Variants in CNTNAP5 observed in about 807,000 individuals in gnomAD.
CNTNAP5 encodes the protein contactin associated protein family member 5.
Under a neutral mutation model 150.2 loss-of-function variants are expected in CNTNAP5, and 72 were observed. That is an observed-to-expected ratio of 0.48 (90% CI 0.40 to 0.58). The LOEUF is 0.58. Among genes scored for constraint, CNTNAP5 ranks in the 20% least tolerant of loss-of-function variants. CNTNAP5 has a pLI of 0.00. For missense variants in CNTNAP5, 1,636 were observed against 1,626.2 expected (o/e 1.01, Z -0.10); for synonymous variants, 672 against 619.8 (o/e 1.08, Z -1.25).
intron 1 of CNTNAP5, among the ~76,000 whole-genome samples, chr2:124,205,481 C>T (rs560341523): frequency 2.0e-5 from 3 of 150,712 alleles, no homozygotes; most frequent in African/African-American, 7.3e-5. Flanking sequence ...TGCAATGGTG[C>T]CGTCTCAGCT....
At position 124,092,054 on chromosome 2, in the gene CNTNAP5, T is replaced by C. The variant is rs531334520; in HGVS notation, c.82+66322T>C. Among the ~76,000 whole-genome samples, 15 of 152,328 alleles carry C rather than the reference T, an allele frequency of 9.8e-5. No individual in the cohort carries two copies. The South Asian group carries it at 3.1e-3, about 32-fold the overall frequency. On this transcript the variant is annotated intron_variant, in intron 1 of 23. Transcript: ENST00000682447. ...TCTCCACACCACTTCTGGTGGCCCC[T>C]ATCTTTTTATCGTATTATCCTTTCT... is the stretch of plus-strand genomic sequence containing the variant.
intron 7 of CNTNAP5, among the ~76,000 whole-genome samples, chr2:124,499,670 A>G (rs1182484517): frequency 6.6e-6 from 1 of 152,196 alleles, no homozygotes; most frequent in African/African-American, 2.4e-5. Flanking sequence ...TCAGAGAAGA[A>G]TGGGAACCAC....
chr2:124,533,718 C>T (rs368597942), intron 10 of CNTNAP5, among the ~76,000 whole-genome samples: 69 of 152,280 alleles, frequency 4.5e-4, no homozygotes, highest in Middle Eastern at 6.8e-3. Context: ...CCTGATCTTC[C>T]TCTCTCAGCT....
intron 1 of CNTNAP5, among the ~76,000 whole-genome samples, chr2:124,078,831 G>A (rs759260794): frequency 8.5e-5 from 13 of 152,116 alleles, no homozygotes; most frequent in Non-Finnish European, 1.3e-4. Context: ...AGGAGGAAAC[G>A]TCAATATATG....
At chr2:124,629,087 T>G (rs1168552729) in intron 12 of CNTNAP5, among the ~76,000 whole-genome samples, 1 of 152,170 alleles carries the variant, frequency 6.6e-6, no homozygotes, top group Non-Finnish European at 1.5e-5. Flanking sequence ...ACAAAGAGAC[T>G]CAGACCCCCA....
intron 21 of CNTNAP5, among the ~76,000 whole-genome samples, chr2:124,879,666 A>T (rs1191404653): frequency 6.6e-6 from 1 of 152,128 alleles, no homozygotes; most frequent in East Asian, 1.9e-4. Context: ...AAGATATGAG[A>T]TAATGCCTGT....
At chr2:124,400,748 T>C (rs888497572) in intron 3 of CNTNAP5, among the ~76,000 whole-genome samples, 2 of 151,598 alleles carry the variant, frequency 1.3e-5, no homozygotes, top group African/African-American at 2.4e-5. Flanking sequence ...ATTTCAGTCT[T>C]TTCCAGGCAT....
At chr2:124,539,438 C>T (rs1573445847) in intron 10 of CNTNAP5, among the ~76,000 whole-genome samples, 1 of 152,180 alleles carries the variant, frequency 6.6e-6, no homozygotes, top group East Asian at 1.9e-4. Flanking sequence ...AATCGATATT[C>T]ACATAAATTT....
chr2:124,105,504 C>T (rs76898166), intron 1 of CNTNAP5, among the ~76,000 whole-genome samples: 14,130 of 152,198 alleles, frequency 0.093, 782 homozygotes, highest in Non-Finnish European at 0.13. Context: ...GTAAATACTG[C>T]TTATTAATTT....
chr2:124,566,765 T>C (rs953374357), intron 11 of CNTNAP5, among the ~76,000 whole-genome samples: 1 of 152,212 alleles, frequency 6.6e-6, no homozygotes, highest in Non-Finnish European at 1.5e-5. Context: ...ATGAGGACCA[T>C]TGTTTTTAGT....
intron 13 of CNTNAP5, among the ~76,000 whole-genome samples, chr2:124,724,924 T>C (rs1680124609): frequency 2.5e-5 from 1 of 39,910 alleles, no homozygotes; most frequent in Admixed American, 2.5e-4. Context: ...TTCCCTTAGC[T>C]TTTTTTTTTT....
At chr2:124,789,626 C>T (rs867786756) in intron 17 of CNTNAP5, among the ~76,000 whole-genome samples, 30 of 152,244 alleles carry the variant, frequency 2.0e-4, no homozygotes, top group African/African-American at 6.3e-4. Context: ...TCATCATTTA[C>T]CTCCCACTTA....
chr2:124,372,146 C>A (rs1182314479), intron 3 of CNTNAP5, among the ~76,000 whole-genome samples: 2 of 151,974 alleles, frequency 1.3e-5, no homozygotes, highest in Non-Finnish European at 2.9e-5. Flanking sequence ...TATCTTCCTT[C>A]CCCAGTGAGA....
chr2:124,292,138 GA>G (rs1364890101), intron 3 of CNTNAP5, among the ~76,000 whole-genome samples: 1 of 151,980 alleles, frequency 6.6e-6, no homozygotes, highest in South Asian at 2.1e-4. Context: ...AGAACAACTT[GA>G]AAAATTACAT....
intron 18 of CNTNAP5, among the ~76,000 whole-genome samples, chr2:124,790,445 TTAA>T (rs567992490): frequency 1.1e-3 from 174 of 152,286 alleles, no homozygotes; most frequent in African/African-American, 4.0e-3. Context: ...AGTGAACACA[TTAA>T]TATTTCCACT....
chr2:124,764,684 A>G (rs1288713311), intron 16 of CNTNAP5, among the ~76,000 whole-genome samples: 1 of 152,152 alleles, frequency 6.6e-6, no homozygotes, highest in East Asian at 1.9e-4. Flanking sequence ...TTAGCACTGC[A>G]TATCCTACAT....
chr2:124,828,624 T>A (rs1283261049), intron 19 of CNTNAP5, among the ~76,000 whole-genome samples: 1 of 151,520 alleles, frequency 6.6e-6, no homozygotes, highest in Non-Finnish European at 1.5e-5. Flanking sequence ...TGTGTTTGAA[T>A]AGTTGGATTA....
At position 124,917,416 on chromosome 2, in the gene CNTNAP5, C is replaced by A. The variant is rs1678793056; in HGVS notation, c.*3128C>A. ...ACTGCATCATTTATTGCATATATAG[C>A]CTCAATTGCCATCTTTATGAAAATT... On this transcript the variant is annotated 3_prime_UTR_variant, in exon 24 of 24. Transcript: ENST00000682447. Among the ~76,000 whole-genome samples the A allele has an allele frequency of 6.6e-6, 1 of 152,032 alleles. No individual in the cohort carries two copies. Among genetic ancestry groups the A allele is most frequent in the Non-Finnish European group, 1.5e-5 (1 of 67,990 alleles).
intron 11 of CNTNAP5, among the ~76,000 whole-genome samples, chr2:124,594,336 G>A (rs1271285874): frequency 1.3e-5 from 2 of 150,200 alleles, no homozygotes; most frequent in African/African-American, 4.9e-5. Context: ...AAGGGATCCA[G>A]TTTCAGCTTT....
Sources: allele counts gnomAD v4.1 joint callset (sites outside exome capture counted in the v4.1 genomes callset), GRCh38; gene constraint gnomAD v4.1.1; transcripts MANE v1.5; gene names NCBI Gene and HGNC (gene_info 2026-07-23, HGNC 2026-07-21).